The following KCNH5 variants were observed in gnomAD, a reference collection of about 807,000 sequenced individuals.
The protein encoded by KCNH5 is voltage-gated delayed rectifier potassium channel KCNH5.
KCNH5 carries 46 observed loss-of-function variants against 96.1 expected under a neutral mutation model. The ratio of observed to expected loss-of-function variants is 0.48; its 90% confidence interval spans 0.38 to 0.61. KCNH5 has a LOEUF of 0.61. Ranked by LOEUF, KCNH5 falls within the 20% of genes least tolerant of loss-of-function variation. KCNH5 has a pLI of 0.00. For missense variants in KCNH5, 907 were observed against 1,225.8 expected, an observed-to-expected ratio of 0.74 and a Z score of 3.88; for synonymous variants, 439 against 449.8, an observed-to-expected ratio of 0.98 and a Z score of 0.30.
intron 2 of KCNH5, among the ~76,000 whole-genome samples, chr14:63,016,451 G>A (rs971775843): frequency 1.3e-5 from 2 of 151,990 alleles, no homozygotes; most frequent in Non-Finnish European, 1.5e-5. Context: ...GCCAGGTGGT[G>A]TTTACTCTGT....
chr14:62,744,849 C>T (rs1441289597), intron 10 of KCNH5, among the ~76,000 whole-genome samples: 1 of 152,156 alleles, frequency 6.6e-6, no homozygotes, highest in Non-Finnish European at 1.5e-5. Context: ...CACCACATGC[C>T]TCTTTCTAAG....
intron 6 of KCNH5, among the ~76,000 whole-genome samples, chr14:62,954,916 T>C (rs749291896): frequency 1.3e-5 from 2 of 152,048 alleles, no homozygotes; most frequent in Non-Finnish European, 2.9e-5. Flanking sequence ...AAAAATAGTA[T>C]GGAGGAAACA....
chr14:62,768,206 T>C (rs1436829844), intron 10 of KCNH5, among the ~76,000 whole-genome samples: 3 of 127,792 alleles, frequency 2.3e-5, no homozygotes, highest in East Asian at 2.4e-4. Context: ...CTTAAATTTA[T>C]ACAAATTATA....
At chr14:62,845,852 C>G (rs899427808) in intron 8 of KCNH5, among the ~76,000 whole-genome samples, 6 of 152,100 alleles carry the variant, frequency 3.9e-5, no homozygotes, top group African/African-American at 7.2e-5. Flanking sequence ...TTCAGGGAAT[C>G]AAGTTCAAGA....
rs776214629 is a variant in KCNH5, at chr14:62,707,643, T to C, written c.2832A>G (p.Glu944=). ...GAGATGAGGCCTGGGGTACGCTTTTTTCCGACAGTATTTTTAAAATTTCTG... is the reference window on the plus strand; with the variant it reads ...GAGATGAGGCCTGGGGTACGCTTTTCTCCGACAGTATTTTTAAAATTTCTG... ...QVAEILKILS[E]KSVPQASSPK... Residue 944 remains glutamate (E), a synonymous_variant, in exon 11 of 11, where the codon GAA becomes GAG. Transcript: ENST00000322893. 2 of 1,585,296 alleles carry C rather than the reference T, an allele frequency of 1.3e-6. No individual in the cohort carries two copies. Among genetic ancestry groups the C allele is most frequent in the South Asian group, 2.3e-5 (2 of 88,136 alleles).
rs183832940 is a variant in KCNH5, at chr14:62,824,529, A to G, written c.1570-21948T>C. Among the ~76,000 whole-genome samples the G allele has an allele frequency of 4.4e-3, 671 of 152,232 alleles. 2 individuals are homozygous for G. Among genetic ancestry groups the G allele is most frequent in the Non-Finnish European group, 7.7e-3 (521 of 67,970 alleles). Reference sequence around the variant, plus strand: ...TTTACTTTAGCAATAAAAGTTTTATATATTGAAACATTTTTCACCTTAAAA... The same window carrying G: ...TTTACTTTAGCAATAAAAGTTTTATGTATTGAAACATTTTTCACCTTAAAA... On this transcript the variant is annotated intron_variant, in intron 8 of 10. Coordinates refer to ENST00000322893, the MANE Select transcript of KCNH5 (RefSeq NM_139318.5).
intron 7 of KCNH5, among the ~76,000 whole-genome samples, chr14:62,906,962 G>A (rs968905559): frequency 2.0e-5 from 3 of 152,146 alleles, no homozygotes; most frequent in South Asian, 4.1e-4. Flanking sequence ...ACAACGTATA[G>A]CACTGTCTCA....
At chr14:62,791,747 C>T (rs1886440142) in intron 9 of KCNH5, among the ~76,000 whole-genome samples, 1 of 151,460 alleles carries the variant, frequency 6.6e-6, no homozygotes. Flanking sequence ...TATATGTACC[C>T]AACATTGGAG....
chr14:62,975,685 C>A (rs1890486459), intron 6 of KCNH5, among the ~76,000 whole-genome samples: 1 of 151,864 alleles, frequency 6.6e-6, no homozygotes. Flanking sequence ...AATTCCAAAC[C>A]AGTAGGAGGA....
intron 4 of KCNH5, among the ~76,000 whole-genome samples, chr14:63,000,148 T>C (rs1212399616): frequency 1.3e-5 from 2 of 152,184 alleles, no homozygotes; most frequent in Non-Finnish European, 2.9e-5. Flanking sequence ...TGAGTTCCTA[T>C]GCAAGGAATA....
chr14:63,009,441 A>G lies in KCNH5; in HGVS notation c.198-2969T>C, dbSNP rs527809732. On this transcript the variant is annotated intron_variant, in intron 2 of 10. Coordinates refer to ENST00000322893, the MANE Select transcript of KCNH5 (RefSeq NM_139318.5). ...AGGAAAATAAAGGCACTTAAGAAAAATAATCCTATATTATTAAAATCCGAA... is the reference window on the plus strand; with the variant it reads ...AGGAAAATAAAGGCACTTAAGAAAAGTAATCCTATATTATTAAAATCCGAA... Among the ~76,000 whole-genome samples the G allele has an allele frequency of 3.8e-3, 575 of 152,312 alleles. 12 individuals are homozygous for G. The highest frequency in any genetic ancestry group is 6.7e-3 in the Admixed American group (103 of 15,306).
At chr14:62,746,594 T>G (rs1038590193) in intron 10 of KCNH5, among the ~76,000 whole-genome samples, 1 of 152,236 alleles carries the variant, frequency 6.6e-6, no homozygotes, top group African/African-American at 2.4e-5. Context: ...TGAGCTCTGT[T>G]TTCGGCTGGT....
chr14:63,045,031 G>A, intron 1 of KCNH5, 83 bp downstream of exon 1: 1 of 1,110,610 alleles, frequency 9.0e-7, no homozygotes, highest in East Asian at 2.4e-5. Context: ...CTCCCCCCTT[G>A]GGAGAGGGAT....
At chr14:62,966,704 A>G (rs921153795) in intron 6 of KCNH5, among the ~76,000 whole-genome samples, 6 of 152,166 alleles carry the variant, frequency 3.9e-5, no homozygotes, top group African/African-American at 1.4e-4. Flanking sequence ...CTCTTTAGTG[A>G]AAAGTATCTG....
intron 5 of KCNH5, among the ~76,000 whole-genome samples, chr14:62,985,966 AC>A (rs1195886101): frequency 1.3e-5 from 2 of 152,200 alleles, no homozygotes; most frequent in African/African-American, 4.8e-5. Flanking sequence ...TAAATCAAAA[AC>A]ATAGAATTGT....
intron 1 of KCNH5, among the ~76,000 whole-genome samples, chr14:63,043,560 T>C (rs1262352943): frequency 1.3e-5 from 2 of 152,190 alleles, no homozygotes; most frequent in African/African-American, 2.4e-5. Context: ...CTAAAAAATA[T>C]ACAGGTATTT....
chr14:62,849,646 C>G lies in KCNH5; in HGVS notation c.1569+7G>C, dbSNP rs771120157. 3.7e-6 allele frequency: 6 copies of G among 1,609,488 alleles called. No individual in the cohort carries two copies. In the East Asian group the frequency reaches 1.3e-4, roughly 36 times the overall value. On this transcript the variant is annotated splice_region_variant and intron_variant, in intron 8 of 10. Transcript: ENST00000322893. ...AGAAACTAAATAATAACAATAATAA[C>G]CCATACCTTTTCTGTATCAATGCCT...
In KCNH5 at chr14:62,705,222, A is replaced by G. The variant is rs116847379; in HGVS notation, c.*2286T>C. ...CCACTAATATGCAAAGCCATGAATTAGAACTTCAAATCATCATGTTGTTCA... is the reference window on the plus strand; with the variant it reads ...CCACTAATATGCAAAGCCATGAATTGGAACTTCAAATCATCATGTTGTTCA... On this transcript the variant is annotated 3_prime_UTR_variant, in exon 11 of 11. Transcript: ENST00000322893. 1 of 152,032 alleles carries G rather than the reference A, an allele frequency of 6.6e-6. No homozygotes were observed. The highest frequency in any genetic ancestry group is 1.9e-4 in the East Asian group (1 of 5,196). 9.4% of individuals were successfully genotyped at this position (152,032 alleles called of 1,614,324 possible). A position where few individuals can be genotyped will look rare whatever the true frequency, so the allele number is the denominator to read the frequency against.
At chr14:62,982,337 AAG>A (rs1555366798) in intron 5 of KCNH5, among the ~76,000 whole-genome samples, 1 of 152,208 alleles carries the variant, frequency 6.6e-6, no homozygotes, top group Non-Finnish European at 1.5e-5. Context: ...CAAAAAAAAA[AAG>A]ACAGTTGAAG....
Sources: allele counts gnomAD v4.1 joint callset (sites outside exome capture counted in the v4.1 genomes callset), GRCh38; gene constraint gnomAD v4.1.1; transcripts MANE v1.5; gene names NCBI Gene and HGNC (gene_info 2026-07-23, HGNC 2026-07-21).